Variants in TAFA1 observed in about 807,000 individuals in gnomAD.
The protein encoded by TAFA1 is TAFA chemokine like family member 1.
In TAFA1, 4 loss-of-function variants were observed where a neutral mutation model predicts 18.5. The ratio of observed to expected loss-of-function variants is 0.22; its 90% CI spans 0.11 to 0.49. The LOEUF (loss-of-function observed/expected upper bound fraction) is 0.49. Among genes scored for constraint, TAFA1 ranks in the 20% least tolerant of loss-of-function variants. The pLI is 0.98. For synonymous variants in TAFA1, 56 were observed against 55.2 expected (o/e 1.01, Z -0.06); for missense variants, 147 against 169.0 (o/e 0.87, Z 0.72).
intron 2 of TAFA1, among the ~76,000 whole-genome samples, chr3:68,354,157 AT>A (rs35665922): frequency 6.0e-5 from 9 of 150,456 alleles, no homozygotes; most frequent in East Asian, 3.9e-4. Flanking sequence ...TATTTTTCTA[AT>A]TTTTTTTTTC....
At position 68,406,830 on chromosome 3, in the gene TAFA1, G is replaced by A. The variant is rs148128186; in HGVS notation, c.119-10450G>A. The stretch of plus-strand genomic sequence containing the variant: ...GGAGAGAGTAAACGTTCCACAATAT[G>A]TAAAGAGCAGTAAGGAATCAAGTGT... On this transcript the variant is annotated intron_variant, in intron 2 of 4. Coordinates refer to ENST00000478136, the MANE Select transcript of TAFA1 (RefSeq NM_213609.4). Among the ~76,000 whole-genome samples the A allele has an allele frequency of 4.0e-3, 613 of 152,260 alleles. 5 individuals are homozygous for A. The highest frequency in any genetic ancestry group is 0.013 in the African/African-American group (556 of 41,564).
intron 2 of TAFA1, among the ~76,000 whole-genome samples, chr3:68,080,871 T>C (rs2064889274): frequency 6.6e-6 from 1 of 152,200 alleles, no homozygotes; most frequent in Non-Finnish European, 1.5e-5. Flanking sequence ...CCTTGCTAGA[T>C]TGGGGAAGTT....
chr3:68,255,824 A>G (rs1159436152), intron 2 of TAFA1, among the ~76,000 whole-genome samples: 1 of 152,088 alleles, frequency 6.6e-6, no homozygotes. Flanking sequence ...GTGGAAAACT[A>G]GTCCATTTCT....
chr3:68,461,870 G>C (rs1171665412), intron 3 of TAFA1, among the ~76,000 whole-genome samples: 1 of 152,002 alleles, frequency 6.6e-6, no homozygotes, highest in Non-Finnish European at 1.5e-5. Context: ...TATATAATGG[G>C]TTAAATACCT....
chr3:68,283,209 A>G (rs949267776), intron 2 of TAFA1, among the ~76,000 whole-genome samples: 1 of 152,198 alleles, frequency 6.6e-6, no homozygotes, highest in Admixed American at 6.5e-5. Context: ...CCATTCTGCT[A>G]TACTTCCTCA....
intron 3 of TAFA1, among the ~76,000 whole-genome samples, chr3:68,452,120 G>T (rs1277840392): frequency 6.6e-6 from 1 of 152,172 alleles, no homozygotes; most frequent in Non-Finnish European, 1.5e-5. Flanking sequence ...TGAAGAGTAA[G>T]GAAGGAAAGA....
intron 2 of TAFA1, among the ~76,000 whole-genome samples, chr3:68,049,728 C>A (rs2064442415): frequency 6.6e-6 from 1 of 151,950 alleles, no homozygotes; most frequent in Admixed American, 6.6e-5. Context: ...ACTTGTCTGG[C>A]AACACAGAAA....
intron 3 of TAFA1, among the ~76,000 whole-genome samples, chr3:68,480,363 A>C (rs781719305): frequency 3.3e-5 from 5 of 152,322 alleles, no homozygotes; most frequent in Admixed American, 6.5e-5. Flanking sequence ...AGATCGTGCC[A>C]TTGCACTCCA....
intron 3 of TAFA1, among the ~76,000 whole-genome samples, chr3:68,526,779 T>C (rs74753287): frequency 0.017 from 2,612 of 152,166 alleles, 87 homozygotes; most frequent in African/African-American, 0.059. Flanking sequence ...CTCTGCCAAA[T>C]GGAATCATGA....
intron 2 of TAFA1, among the ~76,000 whole-genome samples, chr3:68,383,522 G>A (rs751218092): frequency 6.6e-6 from 1 of 152,044 alleles, no homozygotes; most frequent in African/African-American, 2.4e-5. Flanking sequence ...TGCATTCCAG[G>A]GGTGAAGCCT....
chr3:68,105,694 A>C (rs1218844027), intron 2 of TAFA1, among the ~76,000 whole-genome samples: 1 of 152,166 alleles, frequency 6.6e-6, no homozygotes, highest in Non-Finnish European at 1.5e-5. Flanking sequence ...ACTTATTAAA[A>C]AAATACAGTC....
At chr3:68,452,315 G>C (rs947027872) in intron 3 of TAFA1, among the ~76,000 whole-genome samples, 14 of 152,086 alleles carry the variant, frequency 9.2e-5, no homozygotes, top group Admixed American at 4.6e-4. Flanking sequence ...CTGAGGTCAG[G>C]AGTTCAAGAC....
intron 3 of TAFA1, among the ~76,000 whole-genome samples, chr3:68,451,051 G>GTT (rs2071559773): frequency 6.6e-6 from 1 of 152,184 alleles, no homozygotes; most frequent in Non-Finnish European, 1.5e-5. Flanking sequence ...TTTAGCTCCA[G>GTT]AGTCCAGGCT....
At chr3:68,037,044 C>A (rs1224912789) in intron 2 of TAFA1, among the ~76,000 whole-genome samples, 2 of 152,100 alleles carry the variant, frequency 1.3e-5, no homozygotes, top group African/African-American at 4.8e-5. Context: ...ACGATAATTG[C>A]AGCCATGACA....
chr3:68,072,027 T>A (rs1056523355), intron 2 of TAFA1, among the ~76,000 whole-genome samples: 2 of 152,222 alleles, frequency 1.3e-5, no homozygotes, highest in Non-Finnish European at 2.9e-5. Context: ...AAAATGAGAA[T>A]AGCAATAGTA....
chr3:68,164,114 C>G (rs767059524), intron 2 of TAFA1, among the ~76,000 whole-genome samples: 5 of 152,214 alleles, frequency 3.3e-5, no homozygotes, highest in Non-Finnish European at 5.9e-5. Context: ...CATTTCAGCT[C>G]TAGCATCATT....
At position 68,262,511 on chromosome 3, in the gene TAFA1, C is replaced by T. The variant is rs541499172; in HGVS notation, c.119-154769C>T. ...ATGTATGCTCAATGTTTAGCTCCCACTTATAAGTGAGAACATGCATTATTT... is the reference window on the plus strand; with the variant it reads ...ATGTATGCTCAATGTTTAGCTCCCATTTATAAGTGAGAACATGCATTATTT... On this transcript the variant is annotated intron_variant, in intron 2 of 4. Coordinates refer to ENST00000478136, the MANE Select transcript of TAFA1 (RefSeq NM_213609.4). Among the ~76,000 whole-genome samples, 38 of 151,686 alleles carry T rather than the reference C, an allele frequency of 2.5e-4. 1 individual carries two copies. Among genetic ancestry groups the T allele is most frequent in the African/African-American group, 8.7e-4 (36 of 41,370 alleles).
chr3:68,336,862 T>C (rs1274706501), intron 2 of TAFA1, among the ~76,000 whole-genome samples: 1 of 152,182 alleles, frequency 6.6e-6, no homozygotes, highest in Non-Finnish European at 1.5e-5. Flanking sequence ...TAGCTGGGAT[T>C]ACAGGCATGC....
rs138506301 is a variant in TAFA1, at chr3:68,374,930, T to C, written c.119-42350T>C. Reference sequence around the variant, plus strand: ...TCTTGCCTGCAAAATCATCCTCCAGTGCAAAAGTACAAGAAGAGCATTGTC... The same window carrying C: ...TCTTGCCTGCAAAATCATCCTCCAGCGCAAAAGTACAAGAAGAGCATTGTC... On this transcript the variant is annotated intron_variant, in intron 2 of 4. Transcript: ENST00000478136. Among the ~76,000 whole-genome samples, 819 of 152,128 alleles carry C rather than the reference T, an allele frequency of 5.4e-3. 1 individual carries two copies. Among genetic ancestry groups the C allele is most frequent in the Non-Finnish European group, 9.0e-3 (609 of 67,984 alleles).
Sources: gnomAD v4.1 joint callset for allele counts (sites outside exome capture counted in the v4.1 genomes callset) on GRCh38, gnomAD v4.1.1 for gene constraint, MANE v1.5 for transcripts, NCBI Gene and HGNC (gene_info 2026-07-23, HGNC 2026-07-21) for gene names.